XPR1: variants seen among roughly 807,000 people sequenced by gnomAD.
XPR1 encodes the protein solute carrier family 53 member 1.
XPR1 carries 28 observed loss-of-function variants against 87.5 expected under a neutral mutation model. The observed-to-expected ratio is 0.32, with a 90% CI of 0.24 to 0.44. The LOEUF (loss-of-function observed/expected upper bound fraction) is 0.44, where lower values mean the gene tolerates loss of function less well. Ranked by LOEUF, XPR1 falls within the 20% of genes least tolerant of loss-of-function variation. XPR1 has a pLI of 1.00. For synonymous variants in XPR1, 300 were observed against 306.1 expected (o/e 0.98, Z 0.21); for missense variants, 559 against 862.3 (o/e 0.65, Z 4.41).
At chr1:180,635,719 G>A (rs943290181) in intron 1 of XPR1, among the ~76,000 whole-genome samples, 2 of 152,208 alleles carry the variant, frequency 1.3e-5, no homozygotes, top group Admixed American at 6.5e-5. Context: ...TTGAGCATGT[G>A]TAAGCATTGA....
intron 11 of XPR1, among the ~76,000 whole-genome samples, chr1:180,846,437 G>A (rs1232289685): frequency 7.2e-6 from 1 of 137,996 alleles, no homozygotes; most frequent in African/African-American, 2.7e-5. Flanking sequence ...TTTTGTTTTT[G>A]TTTATTTATT....
At chr1:180,838,764 T>G (rs535485021) in intron 11 of XPR1, among the ~76,000 whole-genome samples, 1 of 152,200 alleles carries the variant, frequency 6.6e-6, no homozygotes, top group Non-Finnish European at 1.5e-5. Flanking sequence ...ATCTCTTTGC[T>G]GTTGAACTAT....
chr1:180,696,196 G>GTA, intron 2 of XPR1, among the ~76,000 whole-genome samples: 1 of 114,116 alleles, frequency 8.8e-6, no homozygotes, highest in Non-Finnish European at 1.7e-5. Context: ...GTGTGTGTGT[G>GTA]TGTGTGTGTG....
chr1:180,673,780 C>G (rs1479513901), intron 1 of XPR1, among the ~76,000 whole-genome samples: 1 of 152,208 alleles, frequency 6.6e-6, no homozygotes, highest in Non-Finnish European at 1.5e-5. Context: ...TTCCGTGAAA[C>G]TAGTCCCTGG....
intron 1 of XPR1, among the ~76,000 whole-genome samples, chr1:180,643,407 A>G (rs1358616541): frequency 1.3e-5 from 2 of 152,162 alleles, no homozygotes; most frequent in Non-Finnish European, 2.9e-5. Flanking sequence ...GTATGTTGTT[A>G]TTAGTGGCGT....
At chr1:180,690,210 T>C (rs10914066) in intron 2 of XPR1, among the ~76,000 whole-genome samples, 8,338 of 151,964 alleles carry the variant, frequency 0.055, 375 homozygotes, top group East Asian at 0.13. Flanking sequence ...TTTTGTACCA[T>C]TGACAGAATG....
chr1:180,707,120 A>C (rs1657585953), intron 2 of XPR1, among the ~76,000 whole-genome samples: 1 of 152,184 alleles, frequency 6.6e-6, no homozygotes, highest in South Asian at 2.1e-4. Context: ...GTCAGAATAG[A>C]ATTTTTATCT....
chr1:180,741,695 C>G (rs949045196), intron 2 of XPR1, among the ~76,000 whole-genome samples: 1 of 152,124 alleles, frequency 6.6e-6, no homozygotes, highest in Non-Finnish European at 1.5e-5. Context: ...CCATGTTAAC[C>G]AGGCTAGTCT....
intron 7 of XPR1, among the ~76,000 whole-genome samples, chr1:180,821,889 A>C (rs774217705): frequency 2.0e-5 from 3 of 152,140 alleles, no homozygotes; most frequent in Non-Finnish European, 4.4e-5. Context: ...CTTGTACTCT[A>C]CAACTGTGAT....
rs138858729 is a variant in XPR1 at position 180,768,814 on chromosome 1, C to T, written c.122-18939C>T. Among the ~76,000 whole-genome samples, 66 of 152,274 alleles carry T rather than the reference C, an allele frequency of 4.3e-4. No individual in the cohort carries two copies. In the East Asian group the frequency reaches 0.011, roughly 26 times the overall value. ...TAAATGTAGGTAGAAATTAATTCACCTCCATGTACTACTTTAGGTTATAGA... is the reference window on the plus strand; with the variant it reads ...TAAATGTAGGTAGAAATTAATTCACTTCCATGTACTACTTTAGGTTATAGA... On this transcript the variant is annotated intron_variant, in intron 2 of 14. Coordinates refer to ENST00000367590, the MANE Select transcript of XPR1 (RefSeq NM_004736.4).
chr1:180,636,614 C>T (rs1032625183), intron 1 of XPR1, among the ~76,000 whole-genome samples: 2 of 152,128 alleles, frequency 1.3e-5, no homozygotes, highest in Non-Finnish European at 2.9e-5. Flanking sequence ...GAAACTTAGT[C>T]CTAGCTTCAA....
chr1:180,698,873 G>A (rs1657255559), intron 2 of XPR1, among the ~76,000 whole-genome samples: 1 of 152,080 alleles, frequency 6.6e-6, no homozygotes, highest in Non-Finnish European at 1.5e-5. Context: ...TGAGAAATCT[G>A]CTGTTAGTCT....
chr1:180,655,294 C>A (rs1655417173), intron 1 of XPR1, among the ~76,000 whole-genome samples: 1 of 151,592 alleles, frequency 6.6e-6, no homozygotes, highest in African/African-American at 2.4e-5. Flanking sequence ...TTTAGGAGTT[C>A]TCTATCTATT....
chr1:180,668,364 A>G lies in XPR1; in HGVS notation c.70-13996A>G, dbSNP rs569905285. 1.6e-4 allele frequency among the ~76,000 whole-genome samples: 24 copies of G among 152,064 alleles called. No homozygotes were observed. In the East Asian group the frequency reaches 4.1e-3, roughly 26 times the overall value. The stretch of plus-strand genomic sequence containing the variant: ...GGCTGGTCTTGAACTCCTGACCTCA[A>G]GTGATCTGCCTGCCTCAGCCTCCCA... On this transcript the variant is annotated intron_variant, in intron 1 of 14. Coordinates refer to ENST00000367590, the MANE Select transcript of XPR1 (RefSeq NM_004736.4).
At chr1:180,652,083 G>A (rs550748185) in intron 1 of XPR1, among the ~76,000 whole-genome samples, 70 of 152,278 alleles carry the variant, frequency 4.6e-4, no homozygotes, top group Non-Finnish European at 7.9e-4. Flanking sequence ...CATGAGGTCC[G>A]GAGTTTGAGA....
At position 180,801,019 on chromosome 1, in the gene XPR1, A is replaced by G. The variant is rs530007298; in HGVS notation, c.224-2369A>G. On this transcript the variant is annotated intron_variant, in intron 3 of 14. Coordinates refer to ENST00000367590, the MANE Select transcript of XPR1 (RefSeq NM_004736.4). ...TAGGTTGCCCATTTCTGTCTTTCCT[A>G]GGGATAACCATGATCAATTAACCAC... is the stretch of plus-strand genomic sequence containing the variant. Among the ~76,000 whole-genome samples, 10 of 152,306 alleles carry G rather than the reference A, an allele frequency of 6.6e-5. No homozygotes were observed. The South Asian group carries it at 2.1e-3, about 32-fold the overall frequency.
intron 2 of XPR1, among the ~76,000 whole-genome samples, chr1:180,742,658 T>G (rs1043162908): frequency 6.6e-6 from 1 of 152,104 alleles, no homozygotes; most frequent in African/African-American, 2.4e-5. Flanking sequence ...CTTGGTTAAT[T>G]GATGTTCACT....
At chr1:180,746,160 A>G (rs917333783) in intron 2 of XPR1, among the ~76,000 whole-genome samples, 1 of 152,068 alleles carries the variant, frequency 6.6e-6, no homozygotes, top group African/African-American at 2.4e-5. Context: ...GATGCATTGT[A>G]TAGTGGTGAA....
At chr1:180,767,767 G>A (rs1432938658) in intron 2 of XPR1, among the ~76,000 whole-genome samples, 2 of 152,050 alleles carry the variant, frequency 1.3e-5, no homozygotes, top group African/African-American at 2.4e-5. Flanking sequence ...AAATACGCCA[G>A]TATAGTGGCT....
Sources: gnomAD v4.1 joint callset for allele counts (sites outside exome capture counted in the v4.1 genomes callset) on GRCh38, gnomAD v4.1.1 for gene constraint, MANE v1.5 for transcripts, NCBI Gene and HGNC (gene_info 2026-07-23, HGNC 2026-07-21) for gene names.